Variants in CDH23 observed in about 807,000 individuals in gnomAD.
CDH23 encodes the protein cadherin-23.
CDH23 carries 189 observed loss-of-function variants against 317.1 expected under a neutral mutation model. That is an observed-to-expected ratio of 0.60 (90% confidence interval 0.53 to 0.67). The LOEUF (loss-of-function observed/expected upper bound fraction) is 0.67, where lower values mean the gene tolerates loss of function less well. Ranked by LOEUF, CDH23 falls within the 30% of genes least tolerant of loss-of-function variation. CDH23 has a pLI of 0.00. For synonymous variants in CDH23, 1,839 were observed against 1,876.8 expected, an observed-to-expected ratio of 0.98 and a Z score of 0.52; for missense variants, 4,401 against 4,592.4, an observed-to-expected ratio of 0.96 and a Z score of 1.20.
At chr10:71,541,620 T>G (rs575668542) in intron 6 of CDH23, among the ~76,000 whole-genome samples, 2 of 152,336 alleles carry the variant, frequency 1.3e-5, no homozygotes, top group East Asian at 3.9e-4. Flanking sequence ...GCTCCCTCCT[T>G]GGGTTTTCCC....
chr10:71,599,771 G>A (rs10999908), intron 9 of CDH23, among the ~76,000 whole-genome samples: 2,803 of 152,288 alleles, frequency 0.018, 183 homozygotes, highest in East Asian at 0.16. Context: ...CCCATCTGGT[G>A]CCAGTTCTGC....
intron 3 of CDH23, among the ~76,000 whole-genome samples, chr10:71,456,675 T>C (rs1475552218): frequency 6.6e-6 from 1 of 152,250 alleles, no homozygotes; most frequent in Non-Finnish European, 1.5e-5. Flanking sequence ...GGTAGGGACA[T>C]GCACATTAGA....
rs1385627430 is a variant in CDH23, at chr10:71,806,056, G to A, written c.8064+59G>A. 5 of 1,538,970 alleles carry A rather than the reference G, an allele frequency of 3.2e-6. No homozygotes were observed. The East Asian group carries it at 7.3e-5, about 22-fold the overall frequency. On this transcript the variant is annotated intron_variant, in intron 56 of 69. Coordinates refer to ENST00000224721, the MANE Select transcript of CDH23 (RefSeq NM_022124.6). ...TGGGGCGGGGCTTTCTTCTGGGGGC[G>A]GGTCTTGCACCTCGCCTCCTGGAAA... is the stretch of plus-strand genomic sequence containing the variant.
At chr10:71,550,623 A>AAAAGAC (rs1856540646) in intron 6 of CDH23, among the ~76,000 whole-genome samples, 1 of 152,074 alleles carries the variant, frequency 6.6e-6, no homozygotes, top group African/African-American at 2.4e-5. Context: ...AGAGAAAGAA[A>AAAAGAC]AAAGACAAGG....
chr10:71,733,999 G>A (rs1467402414), intron 32 of CDH23, among the ~76,000 whole-genome samples: 5 of 152,240 alleles, frequency 3.3e-5, no homozygotes, highest in African/African-American at 7.2e-5. Flanking sequence ...AACTACAACA[G>A]AGGGGTAGTG....
intron 14 of CDH23, among the ~76,000 whole-genome samples, chr10:71,665,334 C>T (rs1454438336): frequency 2.0e-5 from 3 of 152,216 alleles, no homozygotes; most frequent in Non-Finnish European, 4.4e-5. Flanking sequence ...CCCCCACTGC[C>T]TCCCACTACC....
Position 71,809,992 on chromosome 10 carries a change from C to T in CDH23, c.8895C>T (p.Pro2965=), listed in dbSNP as rs11000009. The T allele has an allele frequency of 0.12, 186,385 of 1,612,096 alleles. 11,796 individuals are homozygous for T. The highest frequency in any genetic ancestry group is 0.22 in the Middle Eastern group (1,342 of 6,060). ...QRVKIVINEI[P]DRVRGFEEEF... ...TCAAGATCGTCATTAACGAGATCCC[C>T]GACCGTGTGCGCGGCTTCGAGGAGG... is the stretch of plus-strand genomic sequence containing the variant. Residue 2965 remains proline, a synonymous_variant, in exon 61 of 70, where the codon CCC becomes CCT. Transcript: ENST00000224721.
intron 6 of CDH23, among the ~76,000 whole-genome samples, chr10:71,538,883 G>A (rs1367139372): frequency 6.6e-6 from 1 of 152,176 alleles, no homozygotes; most frequent in Non-Finnish European, 1.5e-5. Context: ...GCAGTGTTTT[G>A]CCAAGTTCTC....
intron 3 of CDH23, among the ~76,000 whole-genome samples, chr10:71,479,358 A>G (rs1202088741): frequency 1.3e-5 from 2 of 152,152 alleles, no homozygotes; most frequent in Middle Eastern, 3.2e-3. Flanking sequence ...CGCAGTGTGG[A>G]CACCTTCAGG....
rs746542416 is a variant in CDH23, at chr10:71,790,328, G to A, written c.5964G>A (p.Leu1988=). The change falls in exon 46 of 70, where the codon CTG becomes CTA. Residue 1988 remains leucine, a synonymous_variant. Coordinates refer to ENST00000224721, the MANE Select transcript of CDH23 (RefSeq NM_022124.6). The stretch of plus-strand genomic sequence containing the variant: ...TGCTCAATGGGCCCATCCTGGCCCT[G>A]GATGCAGACCAAGACATCTACGCCG... The part of the protein sequence containing the change: ...LTVLNGPILA[L]DADQDIYAVV... 7.4e-6 allele frequency: 12 copies of A among 1,613,912 alleles called. No homozygotes were observed. The highest frequency in any genetic ancestry group is 1.1e-5 in the South Asian group (1 of 91,086).
chr10:71,402,570 G>A (rs75298621), intron 1 of CDH23, among the ~76,000 whole-genome samples: 2,590 of 152,300 alleles, frequency 0.017, 62 homozygotes, highest in African/African-American at 0.052. Context: ...CAGTATACAT[G>A]CAAAATGTAG....
intron 14 of CDH23, among the ~76,000 whole-genome samples, chr10:71,672,096 AG>A (rs1864172373): frequency 6.6e-6 from 1 of 152,004 alleles, no homozygotes; most frequent in Admixed American, 6.5e-5. Flanking sequence ...CAGTGTGATC[AG>A]GGCTGGGAAT....
At chr10:71,769,594 G>A (rs1840640664) in intron 38 of CDH23, among the ~76,000 whole-genome samples, 1 of 152,206 alleles carries the variant, frequency 6.6e-6, no homozygotes, top group Non-Finnish European at 1.5e-5. Context: ...ACCTTCAGAG[G>A]AGGGTGGTCA....
At chr10:71,706,167 C>T (rs1394807377) in intron 25 of CDH23, among the ~76,000 whole-genome samples, 1 of 152,112 alleles carries the variant, frequency 6.6e-6, no homozygotes, top group Non-Finnish European at 1.5e-5. Flanking sequence ...TCAGAGGAAC[C>T]CAAGTGGGGT....
rs1433220480 is a variant in CDH23 at position 71,687,714 on chromosome 10, T to C, written c.2054T>C (p.Met685Thr). 1 of 1,613,568 alleles carries C rather than the reference T, an allele frequency of 6.2e-7. No homozygotes were observed. Among genetic ancestry groups the C allele is most frequent in the Admixed American group, 1.7e-5 (1 of 59,996 alleles). Reference sequence around the variant, plus strand: ...TTCGTCTCCGTGGTGGAGAACATCATGGCAGGTACAGGCTCAGGTCGGGGG... The same window carrying C: ...TTCGTCTCCGTGGTGGAGAACATCACGGCAGGTACAGGCTCAGGTCGGGGG... The part of the protein sequence containing the change: ...AYFVSVVENI[M>T]AGATVLFLNA... Residue 685 changes from methionine to threonine, a missense_variant, in exon 19 of 70, where the codon ATG becomes ACG. Met to Thr is a moderately conservative substitution (Grantham distance 81, BLOSUM62 -1). Around this residue, in one of 3 missense-constraint regions of CDH23, gnomAD observed 3,068 missense variants for 3,203.3 expected, o/e 0.96. Coordinates refer to ENST00000224721, the MANE Select transcript of CDH23 (RefSeq NM_022124.6).
At chr10:71,663,257 C>T (rs1278772761) in intron 14 of CDH23, among the ~76,000 whole-genome samples, 3 of 152,220 alleles carry the variant, frequency 2.0e-5, no homozygotes, top group Non-Finnish European at 4.4e-5. Flanking sequence ...ACGTGAAGGG[C>T]TAGCCATGGG....
At chr10:71,694,307 C>A in intron 21 of CDH23, 48 bp downstream of exon 21, 1 of 1,390,348 alleles carries the variant, frequency 7.2e-7, no homozygotes, top group Non-Finnish European at 1.0e-6. Flanking sequence ...GCCGGCCAGG[C>A]TGCTGCTCCC....
chr10:71,563,732 TTTTTTTC>T (rs762886976), intron 6 of CDH23, among the ~76,000 whole-genome samples: 2 of 151,824 alleles, frequency 1.3e-5, no homozygotes, highest in Non-Finnish European at 2.9e-5. Context: ...TATAATACTT[TTTTTTTC>T]TTTTTTCTTT....
intron 14 of CDH23, among the ~76,000 whole-genome samples, chr10:71,669,747 C>A (rs1468092244): frequency 6.6e-6 from 1 of 152,234 alleles, no homozygotes; most frequent in South Asian, 2.1e-4. Context: ...CGTGCCTGGC[C>A]TCCCCATTCT....
Sources: allele counts gnomAD v4.1 joint callset (sites outside exome capture counted in the v4.1 genomes callset), GRCh38; gene constraint gnomAD v4.1.1; regional missense constraint gnomAD v4.1.1; transcripts MANE v1.5; gene names NCBI Gene and HGNC (gene_info 2026-07-23, HGNC 2026-07-21).